OXSR1: variants seen among roughly 807,000 people sequenced by gnomAD.
The protein encoded by OXSR1 is serine/threonine-protein kinase OSR1.
A neutral mutation model predicts 79.8 loss-of-function variants in OXSR1; 24 were observed. The ratio of observed to expected loss-of-function variants is 0.30; its 90% CI spans 0.22 to 0.42. The LOEUF is 0.42. Ranked by LOEUF, OXSR1 falls within the 10% of genes least tolerant of loss-of-function variation. The pLI is 1.00. For synonymous variants in OXSR1, 226 were observed against 209.2 expected, an observed-to-expected ratio of 1.08 and a Z score of -0.69; for missense variants, 430 against 618.4, an observed-to-expected ratio of 0.70 and a Z score of 3.23.
At chr3:38,249,461 T>G (rs993335176) in intron 14 of OXSR1, among the ~76,000 whole-genome samples, 11 of 152,182 alleles carry the variant, frequency 7.2e-5, no homozygotes, top group African/African-American at 2.7e-4. Flanking sequence ...AAATTTTTCC[T>G]TATTATCCCC....
chr3:38,202,326 CAA>C (rs970762870), intron 4 of OXSR1, among the ~76,000 whole-genome samples: 3 of 151,966 alleles, frequency 2.0e-5, no homozygotes, highest in Non-Finnish European at 2.9e-5. Flanking sequence ...TAATGAACAA[CAA>C]AGAGAGAGAG....
intron 5 of OXSR1, among the ~76,000 whole-genome samples, chr3:38,216,663 C>T (rs1375448187): frequency 2.6e-5 from 4 of 152,068 alleles, no homozygotes; most frequent in Non-Finnish European, 4.4e-5. Flanking sequence ...TGAAACACCC[C>T]CTCCTCCAGG....
chr3:38,212,180 T>C (rs926572715), intron 4 of OXSR1, among the ~76,000 whole-genome samples: 2 of 152,184 alleles, frequency 1.3e-5, no homozygotes, highest in African/African-American at 4.8e-5. Context: ...ACTTTAGCAG[T>C]AACCAGCTCT....
intron 2 of OXSR1, among the ~76,000 whole-genome samples, chr3:38,184,954 G>GTTTTTTTTTTT (rs1559503629): frequency 1.0e-5 from 1 of 96,228 alleles, no homozygotes. Flanking sequence ...TTTTTTTTGG[G>GTTTTTTTTTTT]TTTCTTTGAG....
intron 12 of OXSR1, among the ~76,000 whole-genome samples, chr3:38,244,329 T>G (rs942531252): frequency 2.0e-5 from 3 of 152,158 alleles, no homozygotes; most frequent in African/African-American, 7.2e-5. Context: ...AAGTATATAG[T>G]CCAGTGGTAT....
intron 14 of OXSR1, among the ~76,000 whole-genome samples, chr3:38,249,198 C>A (rs1451751371): frequency 6.6e-6 from 1 of 152,132 alleles, no homozygotes; most frequent in Non-Finnish European, 1.5e-5. Flanking sequence ...AGATTTGAGT[C>A]CTAAGTGAGC....
chr3:38,236,081 TACTA>T (rs1702912445), intron 10 of OXSR1, among the ~76,000 whole-genome samples: 1 of 152,198 alleles, frequency 6.6e-6, no homozygotes, highest in South Asian at 2.1e-4. Context: ...AGAGAATAAA[TACTA>T]ACTACAGGGG....
At chr3:38,217,652 C>G (rs1702509540) in intron 5 of OXSR1, among the ~76,000 whole-genome samples, 1 of 152,142 alleles carries the variant, frequency 6.6e-6, no homozygotes, top group East Asian at 1.9e-4. Flanking sequence ...CTCAGCCTCC[C>G]AAGTAGTTGG....
chr3:38,224,471 G>A (rs1159796151), intron 7 of OXSR1, 100 bp from the exon 8 acceptor site: 1 of 818,656 alleles, frequency 1.2e-6, no homozygotes, highest in Admixed American at 2.8e-5. Flanking sequence ...TAAAATGTTT[G>A]TATGTTGGTC....
chr3:38,182,285 C>T (rs1701801495), intron 1 of OXSR1, among the ~76,000 whole-genome samples: 1 of 152,182 alleles, frequency 6.6e-6, no homozygotes. Context: ...CATTGCCGCA[C>T]GTGTGGGGTA....
At chr3:38,242,352 C>G (rs1703052741) in intron 11 of OXSR1, among the ~76,000 whole-genome samples, 1 of 152,064 alleles carries the variant, frequency 6.6e-6, no homozygotes, top group Non-Finnish European at 1.5e-5. Flanking sequence ...AATTACTCTG[C>G]TTTGAGAATG....
chr3:38,198,793 A>T lies in OXSR1; in HGVS notation c.364A>T (p.Thr122Ser). The T allele has an allele frequency of 6.2e-7, 1 of 1,612,984 alleles. No individual in the cohort carries two copies. The highest frequency in any genetic ancestry group is 1.1e-5 in the South Asian group (1 of 91,050). The change falls in exon 4 of 18, where the codon ACC becomes TCC. Residue 122 changes from threonine to serine, a missense_variant. Transcript: ENST00000311806. The stretch of plus-strand genomic sequence containing the variant: ...CAAAAGTGGAGTCCTAGATGAATCT[A>T]CCATTGCTACGATACTCCGAGAAGT... ...EHKSGVLDES[T>S]IATILREVLE...
At chr3:38,193,853 AT>A (rs1395854023) in intron 3 of OXSR1, among the ~76,000 whole-genome samples, 2 of 152,148 alleles carry the variant, frequency 1.3e-5, no homozygotes, top group South Asian at 4.1e-4. Flanking sequence ...AAGTGCCTAT[AT>A]TTTTATGAGT....
At chr3:38,170,789 C>T (rs943481407) in intron 1 of OXSR1, among the ~76,000 whole-genome samples, 19 of 152,096 alleles carry the variant, frequency 1.2e-4, no homozygotes, top group Non-Finnish European at 2.8e-4. Flanking sequence ...AATGATCTCC[C>T]CTGCTTTTTT....
chr3:38,169,464 C>T (rs1409867176), intron 1 of OXSR1, among the ~76,000 whole-genome samples: 1 of 152,046 alleles, frequency 6.6e-6, no homozygotes, highest in Admixed American at 6.6e-5. Flanking sequence ...TGCCACCATG[C>T]CCAGCTAATT....
chr3:38,240,644 G>A (rs1703013077), intron 11 of OXSR1, among the ~76,000 whole-genome samples: 1 of 149,038 alleles, frequency 6.7e-6, no homozygotes, highest in Non-Finnish European at 1.5e-5. Flanking sequence ...CTTGGGCAGG[G>A]AAAATATAAG....
At chr3:38,217,142 A>C (rs879301673) in intron 5 of OXSR1, among the ~76,000 whole-genome samples, 10 of 152,268 alleles carry the variant, frequency 6.6e-5, no homozygotes, top group Admixed American at 5.9e-4. Flanking sequence ...AAATGAAGAC[A>C]TCCAAATATA....
At chr3:38,216,497 A>G (rs1702484889) in intron 5 of OXSR1, among the ~76,000 whole-genome samples, 1 of 152,174 alleles carries the variant, frequency 6.6e-6, no homozygotes, top group African/African-American at 2.4e-5. Flanking sequence ...TAAGTACGTT[A>G]TATAGAGGCT....
chr3:38,196,160 G>A lies in OXSR1; in HGVS notation c.293-2562G>A, dbSNP rs771867403. Among the ~76,000 whole-genome samples, 5 of 152,250 alleles carry A rather than the reference G, an allele frequency of 3.3e-5. No homozygotes were observed. The South Asian group carries it at 8.3e-4, about 25-fold the overall frequency. On this transcript the variant is annotated intron_variant, in intron 3 of 17. Coordinates refer to ENST00000311806, the MANE Select transcript of OXSR1 (RefSeq NM_005109.3). ...ATATACTATTTCTTACAAGTTGTGC[G>A]TGAGGACAAAATACTACATACGCGG...
Sources: allele counts gnomAD v4.1 joint callset (sites outside exome capture counted in the v4.1 genomes callset), GRCh38; gene constraint gnomAD v4.1.1; transcripts MANE v1.5; gene names NCBI Gene and HGNC (gene_info 2026-07-23, HGNC 2026-07-21).